Variants in DNAH7 observed in about 807,000 individuals in gnomAD.
The protein encoded by DNAH7 is axonemal beta dynein heavy chain 7.
In DNAH7, 397 loss-of-function variants were observed where a neutral mutation model predicts 444.6. That is an observed-to-expected ratio of 0.89 (90% confidence interval 0.82 to 0.97). DNAH7 has a LOEUF of 0.97. Among genes scored for constraint, DNAH7 ranks in the 50% least tolerant of loss-of-function variants. The probability of loss-of-function intolerance (pLI) is 0.00; values close to 1 mark genes in which losing one functional copy is unlikely to be tolerated. For synonymous variants in DNAH7, 1,636 were observed against 1,624.4 expected (o/e 1.01, Z -0.17); for missense variants, 4,902 against 4,800.8 (o/e 1.02, Z -0.62).
At chr2:195,788,579 C>CA (rs910703917) in intron 57 of DNAH7, among the ~76,000 whole-genome samples, 16 of 150,298 alleles carry the variant, frequency 1.1e-4, no homozygotes, top group South Asian at 4.2e-4. Context: ...GAGTGGGAGA[C>CA]AAAAAAAAAG....
intron 61 of DNAH7, among the ~76,000 whole-genome samples, chr2:195,766,225 G>A (rs1254396700): frequency 1.6e-5 from 2 of 123,898 alleles, no homozygotes; most frequent in African/African-American, 5.9e-5. Flanking sequence ...CCAGGCTGGA[G>A]GGCAGTGGCA....
intron 47 of DNAH7, among the ~76,000 whole-genome samples, chr2:195,837,967 G>A (rs1231291068): frequency 6.6e-6 from 1 of 152,120 alleles, no homozygotes; most frequent in Non-Finnish European, 1.5e-5. Context: ...AGGTGCCCCT[G>A]GGATATGGAA....
At chr2:195,899,119 A>G (rs1435062394) in intron 28 of DNAH7, among the ~76,000 whole-genome samples, 1 of 152,208 alleles carries the variant, frequency 6.6e-6, no homozygotes, top group Non-Finnish European at 1.5e-5. Context: ...ATGACAGAGC[A>G]TGTCCTGTTG....
chr2:195,833,703 G>A (rs1030980359), intron 48 of DNAH7, among the ~76,000 whole-genome samples: 1 of 152,064 alleles, frequency 6.6e-6, no homozygotes, highest in African/African-American at 2.4e-5. Flanking sequence ...TATTTTAGAT[G>A]GCAGATAATA....
Position 195,874,771 on chromosome 2 carries a change from A to G in DNAH7, c.6286+904T>C, listed in dbSNP as rs1700945146. Among the ~76,000 whole-genome samples the G allele has an allele frequency of 1.3e-5, 2 of 152,088 alleles. 1 individual carries two copies. The highest frequency in any genetic ancestry group is 4.1e-4 in the South Asian group (2 of 4,822). On this transcript the variant is annotated intron_variant, in intron 38 of 64. Transcript: ENST00000312428. ...CAGGAGTTTAAGGCTGCCGTGAGCT[A>G]TGATCACACCACTGCACCCCACCTA...
At chr2:195,740,684 C>T (rs1692975245) in intron 64 of DNAH7, 82 bp downstream of exon 64, 1 of 317,082 alleles carries the variant, frequency 3.2e-6, no homozygotes, top group Admixed American at 5.6e-5. Context: ...TATATACACA[C>T]AATATGGGGT....
intron 24 of DNAH7, among the ~76,000 whole-genome samples, chr2:195,914,397 A>G (rs73987155): frequency 0.06 from 9,198 of 152,320 alleles, 367 homozygotes; most frequent in African/African-American, 0.12. Context: ...AAAGACTTCC[A>G]CTGGGTACAA....
rs767955666 is a variant in DNAH7 at position 195,809,749 on chromosome 2, CGCTCAT to C, written c.9878_9883del (p.His3293_Glu3294del). The C allele has an allele frequency of 8.4e-5, 133 of 1,579,606 alleles. 4 individuals are homozygous for C. In the South Asian group the frequency reaches 1.5e-3, roughly 18 times the overall value. Reference sequence around the variant, plus strand: ...ACAAATGAAAACAGTACTGACCGCCCGCTCATGCAGCAGTAGATTTATGGTTAGACA... The same window carrying C: ...ACAAATGAAAACAGTACTGACCGCCCGCAGCAGTAGATTTATGGTTAGACA... On this transcript the variant is annotated inframe_deletion, in exon 52 of 65. Transcript: ENST00000312428.
intron 57 of DNAH7, among the ~76,000 whole-genome samples, chr2:195,793,943 T>C (rs1021915585): frequency 2.0e-5 from 3 of 152,188 alleles, no homozygotes; most frequent in African/African-American, 7.2e-5. Flanking sequence ...TTGGCTCTCA[T>C]TATAGTTATA....
intron 46 of DNAH7, among the ~76,000 whole-genome samples, chr2:195,849,357 C>A (rs1252666719): frequency 6.6e-6 from 1 of 152,142 alleles, no homozygotes; most frequent in East Asian, 1.9e-4. Flanking sequence ...ACCATAATTC[C>A]ATCTGCAAAG....
At chr2:195,913,151 T>C (rs79337634) in intron 24 of DNAH7, among the ~76,000 whole-genome samples, 1,689 of 152,146 alleles carry the variant, frequency 0.011, 34 homozygotes, top group East Asian at 0.068. Flanking sequence ...CTAAAACTGG[T>C]TTACTCAATA....
chr2:195,847,074 A>ATATC (rs989840438), intron 46 of DNAH7, among the ~76,000 whole-genome samples: 2 of 147,208 alleles, frequency 1.4e-5, no homozygotes, highest in African/African-American at 5.0e-5. Context: ...ATATATATAT[A>ATATC]TATCTGATAT....
At chr2:195,769,035 T>C (rs1694720828) in intron 61 of DNAH7, among the ~76,000 whole-genome samples, 1 of 152,174 alleles carries the variant, frequency 6.6e-6, no homozygotes, top group Non-Finnish European at 1.5e-5. Context: ...AGGTCTTACA[T>C]TGCTACATTG....
chr2:195,811,871 C>T (rs1343690241), intron 51 of DNAH7, among the ~76,000 whole-genome samples: 1 of 152,156 alleles, frequency 6.6e-6, no homozygotes, highest in Non-Finnish European at 1.5e-5. Flanking sequence ...TGCTTCTGGC[C>T]TCACAGGCTG....
chr2:195,936,694 T>G lies in DNAH7; in HGVS notation c.3177A>C (p.Glu1059Asp), dbSNP rs943057227. 38 of 1,605,042 alleles carry G rather than the reference T, an allele frequency of 2.4e-5. No homozygotes were observed. The highest frequency in any genetic ancestry group is 3.1e-5 in the Non-Finnish European group (37 of 1,176,950). ...LLELILKGLN[E>D]YLEKKRLFFP... ...AAAAGAGGCGTTTCTTTTCCAAATA[T>G]TCATTAAGTCCTTTAAGAATGAGCT... The change falls in exon 20 of 65, where the codon GAA (glutamate) becomes GAC (aspartate). Residue 1059 changes from glutamate to aspartate, a missense_variant. Glu to Asp is a conservative substitution (Grantham distance 45, BLOSUM62 2). Transcript: ENST00000312428.
chr2:195,843,392 C>T (rs766399701), intron 47 of DNAH7, among the ~76,000 whole-genome samples: 13 of 152,058 alleles, frequency 8.5e-5, no homozygotes, highest in Admixed American at 2.6e-4. Context: ...TATTTTAGTT[C>T]CCCAAAGTAA....
At chr2:195,934,436 A>G (rs538829277) in intron 21 of DNAH7, among the ~76,000 whole-genome samples, 155 bp downstream of exon 21, 1 of 152,202 alleles carries the variant, frequency 6.6e-6, no homozygotes, top group Non-Finnish European at 1.5e-5. Flanking sequence ...ACTATCATAG[A>G]ACATCTCTTT....
At chr2:195,752,549 AG>A (rs955917770) in intron 63 of DNAH7, among the ~76,000 whole-genome samples, 1 of 152,200 alleles carries the variant, frequency 6.6e-6, no homozygotes, top group Non-Finnish European at 1.5e-5. Context: ...TAATGTTTAA[AG>A]ATAAAAAAGA....
chr2:195,875,599 T>A (rs951768958), intron 38 of DNAH7, 76 bp downstream of exon 38: 1 of 1,398,626 alleles, frequency 7.1e-7, no homozygotes, highest in African/African-American at 1.4e-5. Flanking sequence ...CAAAAGAGGA[T>A]TTTTTTCCAG....
Sources: allele counts gnomAD v4.1 joint callset (sites outside exome capture counted in the v4.1 genomes callset), GRCh38; gene constraint gnomAD v4.1.1; transcripts MANE v1.5; gene names NCBI Gene and HGNC (gene_info 2026-07-23, HGNC 2026-07-21).